PDE10A: variants seen among roughly 807,000 people sequenced by gnomAD.
PDE10A encodes phosphodiesterase 10A.
PDE10A carries 39 observed loss-of-function variants against 97.7 expected under a neutral mutation model. That is an observed-to-expected ratio of 0.40 (90% CI 0.31 to 0.52). PDE10A has a LOEUF of 0.52. Ranked by LOEUF, PDE10A falls within the 20% of genes least tolerant of loss-of-function variation. PDE10A has a pLI of 0.56. For synonymous variants in PDE10A, 371 were observed against 376.8 expected, an observed-to-expected ratio of 0.98 and a Z score of 0.18; for missense variants, 731 against 1,047.8, an observed-to-expected ratio of 0.70 and a Z score of 4.17.
At chr6:165,855,305 CGG>C (rs34074536) in intron 1 of PDE10A, among the ~76,000 whole-genome samples, 46,167 of 86,852 alleles carry the variant, frequency 0.53, 11,995 homozygotes, top group Non-Finnish European at 0.61. Context: ...CGGGAAGTGG[CGG>C]GGGGGGGGGG....
intron 6 of PDE10A, among the ~76,000 whole-genome samples, chr6:165,434,685 C>T (rs148303661): frequency 2.6e-5 from 4 of 152,318 alleles, no homozygotes; most frequent in Non-Finnish European, 5.9e-5. Flanking sequence ...CACAAAAACA[C>T]ACCAGGATAG....
intron 18 of PDE10A, among the ~76,000 whole-genome samples, chr6:165,358,716 G>A (rs1783193645): frequency 6.6e-6 from 1 of 151,556 alleles, no homozygotes; most frequent in Admixed American, 6.6e-5. Context: ...GTACCATCTT[G>A]GGATTTGTTT....
chr6:165,714,325 G>A (rs141739367), intron 1 of PDE10A, among the ~76,000 whole-genome samples: 77 of 152,340 alleles, frequency 5.1e-4, no homozygotes, highest in African/African-American at 1.8e-3. Context: ...GGAAAGCGGG[G>A]AACAGGAGTC....
At chr6:165,822,836 C>G (rs1358225906) in intron 1 of PDE10A, among the ~76,000 whole-genome samples, 2 of 151,992 alleles carry the variant, frequency 1.3e-5, no homozygotes, top group African/African-American at 4.8e-5. Flanking sequence ...AACTTTTTAA[C>G]TTTATAATTT....
At chr6:165,750,795 C>G (rs1792980775) in intron 1 of PDE10A, among the ~76,000 whole-genome samples, 1 of 152,146 alleles carries the variant, frequency 6.6e-6, no homozygotes, top group Non-Finnish European at 1.5e-5. Flanking sequence ...CACAGTTCCC[C>G]TAAGTCTGAC....
At chr6:165,334,768 C>T (rs1781550430) in intron 21 of PDE10A, among the ~76,000 whole-genome samples, 1 of 151,994 alleles carries the variant, frequency 6.6e-6, no homozygotes, top group South Asian at 2.1e-4. Flanking sequence ...CTCAACAGAA[C>T]AAGGTGGGAT....
chr6:165,750,576 C>T (rs1792975434), intron 1 of PDE10A, among the ~76,000 whole-genome samples: 1 of 152,202 alleles, frequency 6.6e-6, no homozygotes, highest in Admixed American at 6.5e-5. Flanking sequence ...TCAATCGCCT[C>T]GTGAGTTCCA....
intron 2 of PDE10A, among the ~76,000 whole-genome samples, chr6:165,526,840 C>T (rs1332298231): frequency 6.6e-6 from 1 of 152,234 alleles, no homozygotes; most frequent in Non-Finnish European, 1.5e-5. Flanking sequence ...GCTGGCAAAG[C>T]CAGCAATATA....
chr6:165,985,263 A>G (rs1947381654), intron 1 of PDE10A, among the ~76,000 whole-genome samples: 1 of 152,262 alleles, frequency 6.6e-6, no homozygotes, highest in African/African-American at 2.4e-5. Flanking sequence ...TGCAGCCCAG[A>G]AAAAGCCTGA....
chr6:165,520,921 G>C (rs1782091709), intron 2 of PDE10A, among the ~76,000 whole-genome samples: 1 of 152,018 alleles, frequency 6.6e-6, no homozygotes, highest in African/African-American at 2.4e-5. Flanking sequence ...AGAGCCCTAG[G>C]ACAGGCATAC....
chr6:165,825,605 CA>C (rs1266702603), intron 1 of PDE10A, among the ~76,000 whole-genome samples: 3 of 152,186 alleles, frequency 2.0e-5, no homozygotes, highest in Non-Finnish European at 4.4e-5. Context: ...CAAAGACCAA[CA>C]AAAGCCAAAT....
chr6:165,396,910 G>C (rs898867346), intron 13 of PDE10A, among the ~76,000 whole-genome samples: 3 of 152,102 alleles, frequency 2.0e-5, no homozygotes, highest in Non-Finnish European at 2.9e-5. Flanking sequence ...TCCTTGGGAA[G>C]GTTTTATCAT....
chr6:165,667,619 A>C (rs370633648), upstream of PDE10A, among the ~76,000 whole-genome samples: 6 of 151,766 alleles, frequency 4.0e-5, no homozygotes, highest in African/African-American at 1.4e-4. Flanking sequence ...ATTCTATCTG[A>C]GAAAGGGGTT....
intron 1 of PDE10A, among the ~76,000 whole-genome samples, chr6:165,550,680 A>C (rs1450147106): frequency 6.6e-6 from 1 of 152,210 alleles, no homozygotes; most frequent in African/African-American, 2.4e-5. Flanking sequence ...TTTTCCATCC[A>C]TAAACCCAGG....
chr6:165,792,156 A>G (rs554563030), intron 1 of PDE10A, among the ~76,000 whole-genome samples: 1 of 152,156 alleles, frequency 6.6e-6, no homozygotes, highest in African/African-American at 2.4e-5. Context: ...TCGGGCCTGC[A>G]ATGTTCGCCC....
Position 165,570,982 on chromosome 6 carries a change from A to T in PDE10A, c.866-27414T>A, listed in dbSNP as rs1440116782. ...AAACACTGTGAGGATTGGGGTTACA[A>T]ATCAATTTTAGTGAGTAAGCAAATG... On this transcript the variant is annotated intron_variant, in intron 1 of 21. Coordinates refer to ENST00000539869, the MANE Select transcript of PDE10A (RefSeq NM_001385079.1). Among the ~76,000 whole-genome samples, 5 of 152,228 alleles carry T rather than the reference A, an allele frequency of 3.3e-5. No homozygotes were observed. The South Asian group carries it at 8.3e-4, about 25-fold the overall frequency.
chr6:165,869,728 G>A (rs1781149237), intron 1 of PDE10A, among the ~76,000 whole-genome samples: 2 of 152,048 alleles, frequency 1.3e-5, no homozygotes, highest in Admixed American at 6.5e-5. Context: ...AAAACAGCAT[G>A]GTATTCGTAT....
intron 2 of PDE10A, among the ~76,000 whole-genome samples, chr6:165,490,206 T>C (rs903364893): frequency 6.6e-6 from 1 of 152,144 alleles, no homozygotes; most frequent in African/African-American, 2.4e-5. Context: ...GAGCAGCAGG[T>C]AACCTATAAA....
rs778776132 is a variant in PDE10A at position 165,418,823 on chromosome 6, A to C, written c.1654-46T>G. The stretch of plus-strand genomic sequence containing the variant: ...AAGAGGAAGACAATGAGACATTCAA[A>C]GAACTTGCAGGTAAACTTTATCATA... On this transcript the variant is annotated intron_variant, in intron 10 of 21. Transcript: ENST00000539869. This position sits in a 1 kb window ranked among gnomAD's most constrained non-coding sequence, Gnocchi z 4.8. The C allele has an allele frequency of 6.6e-7, 1 of 1,518,354 alleles. No individual in the cohort carries two copies. The highest frequency in any genetic ancestry group is 1.7e-4 in the Middle Eastern group (1 of 5,896). 94.1% of individuals were successfully genotyped at this position (1,518,354 alleles called of 1,614,324 possible).
Sources: allele counts gnomAD v4.1 joint callset (sites outside exome capture counted in the v4.1 genomes callset), GRCh38; gene constraint gnomAD v4.1.1; non-coding constraint Gnocchi (gnomAD v3.1); transcripts MANE v1.5; gene names NCBI Gene and HGNC (gene_info 2026-07-23, HGNC 2026-07-21).